The following ADGRD1 variants were observed in gnomAD, a reference collection of about 807,000 sequenced individuals.
ADGRD1 encodes the protein G-protein coupled receptor 133.
In ADGRD1, 77 loss-of-function variants were observed where a neutral mutation model predicts 113.4. The ratio of observed to expected loss-of-function variants is 0.68; its 90% CI spans 0.57 to 0.82. ADGRD1 has a LOEUF of 0.82. Among genes scored for constraint, ADGRD1 ranks in the 40% least tolerant of loss-of-function variants. The pLI, the probability that ADGRD1 is intolerant of heterozygous loss-of-function variation, is 0.00. For missense variants in ADGRD1, 1,036 were observed against 1,139.1 expected (o/e 0.91, Z 1.30); for synonymous variants, 474 against 475.0 (o/e 1.00, Z 0.03).
intron 20 of ADGRD1, among the ~76,000 whole-genome samples, chr12:131,125,605 TACAG>T (rs1950721961): frequency 6.6e-6 from 1 of 152,110 alleles, no homozygotes; most frequent in African/African-American, 2.4e-5. Flanking sequence ...CAGATACAAA[TACAG>T]AGATAGATAC....
chr12:131,036,585 C>G (rs1333115137), intron 13 of ADGRD1, among the ~76,000 whole-genome samples: 1 of 147,090 alleles, frequency 6.8e-6, no homozygotes, highest in Non-Finnish European at 1.5e-5. Flanking sequence ...ACTCACTACA[C>G]CAGGTCTCAC....
At chr12:131,130,633 C>T (rs935942596) in intron 20 of ADGRD1, among the ~76,000 whole-genome samples, 7 of 152,222 alleles carry the variant, frequency 4.6e-5, no homozygotes, top group Non-Finnish European at 8.8e-5. Flanking sequence ...TAGGGTGAGG[C>T]GGGCTCAGCA....
At chr12:131,040,342 G>A (rs938890828) in intron 13 of ADGRD1, among the ~76,000 whole-genome samples, 2 of 151,952 alleles carry the variant, frequency 1.3e-5, no homozygotes, top group Non-Finnish European at 2.9e-5. Flanking sequence ...AAGAACACAG[G>A]GTGAATCATG....
Position 131,003,224 on chromosome 12 carries a change from A to C in ADGRD1, c.1066A>C (p.Thr356Pro). The C allele has an allele frequency of 6.2e-7, 1 of 1,614,010 alleles. No individual in the cohort carries two copies. Among genetic ancestry groups the C allele is most frequent in the Middle Eastern group, 1.6e-4 (1 of 6,062 alleles). ...ACTGAGTCTCATCGACACTATTGACACCGTCATGGGCCATGTATCCTCCAA... is the reference window on the plus strand; with the variant it reads ...ACTGAGTCTCATCGACACTATTGACCCCGTCATGGGCCATGTATCCTCCAA... ...VVLSLIDTID[T>P]VMGHVSSNLH... Residue 356 changes from threonine (T) to proline (P), a missense_variant, in exon 10 of 25, where the codon ACC (threonine) becomes CCC (proline). By Grantham distance (38) the Thr-to-Pro change is conservative (BLOSUM62 -1). Transcript: ENST00000261654. This position sits in a 1 kb window ranked among gnomAD's most constrained non-coding sequence, Gnocchi z 4.8.
chr12:131,124,562 T>C (rs1016975415), intron 20 of ADGRD1, among the ~76,000 whole-genome samples: 1 of 152,126 alleles, frequency 6.6e-6, no homozygotes, highest in African/African-American at 2.4e-5. Context: ...CAGTAAAGGG[T>C]CACTGTGGGG....
chr12:131,029,218 T>A (rs10848267), intron 13 of ADGRD1, among the ~76,000 whole-genome samples: 73 of 152,330 alleles, frequency 4.8e-4, no homozygotes, highest in Non-Finnish European at 9.7e-4. Flanking sequence ...CCTGCTGCTG[T>A]AATCTACCAG....
chr12:131,085,889 G>A (rs527787608), intron 15 of ADGRD1, among the ~76,000 whole-genome samples: 5 of 152,298 alleles, frequency 3.3e-5, no homozygotes, highest in African/African-American at 1.2e-4. Flanking sequence ...TCTTCCGTGC[G>A]GAGCCCTGGT....
At chr12:131,138,014 C>T (rs1951140286) in intron 23 of ADGRD1, 123 bp from the exon 24 acceptor site, 2 of 754,642 alleles carry the variant, frequency 2.7e-6, no homozygotes, top group African/African-American at 1.7e-5. Flanking sequence ...AGCTCCGACT[C>T]ATATTTCCAA....
rs980053349 is a variant in ADGRD1, at chr12:131,022,111, C to T, written c.1473+7771C>T. Among the ~76,000 whole-genome samples, 1 of 152,168 alleles carries T rather than the reference C, an allele frequency of 6.6e-6. No individual in the cohort carries two copies. Among genetic ancestry groups the T allele is most frequent in the Non-Finnish European group, 1.5e-5 (1 of 68,042 alleles). ...AAGACCCTGACTCCAAACACTGTCA[C>T]ATTCTGAGGTCTTGGGGGTTAGGGC... On this transcript the variant is annotated intron_variant, in intron 13 of 24. Coordinates refer to ENST00000261654, the MANE Select transcript of ADGRD1 (RefSeq NM_198827.5). The surrounding 1 kb of genome is among the most constrained non-coding windows in gnomAD (Gnocchi z 4.6).
At chr12:131,037,215 ACTCACTGCACTG>A (rs1881573770) in intron 13 of ADGRD1, among the ~76,000 whole-genome samples, 1 of 98,302 alleles carries the variant, frequency 1.0e-5, no homozygotes, top group Non-Finnish European at 2.2e-5. Context: ...ACCAGGTCTC[ACTCACTGCACTG>A]GGTCTCACTC....
At chr12:131,078,633 C>T (rs1202100915) in intron 14 of ADGRD1, among the ~76,000 whole-genome samples, 4 of 152,186 alleles carry the variant, frequency 2.6e-5, no homozygotes, top group South Asian at 4.1e-4. Flanking sequence ...TAGAAAAGTA[C>T]GGAGAATAAT....
intron 13 of ADGRD1, among the ~76,000 whole-genome samples, chr12:131,028,920 G>A (rs985886854): frequency 6.6e-5 from 10 of 152,280 alleles, no homozygotes; most frequent in Middle Eastern, 6.8e-3. Flanking sequence ...TTTGATGCGC[G>A]TCGTGAAACT....
chr12:131,103,169 G>A (rs992298156), intron 15 of ADGRD1, among the ~76,000 whole-genome samples: 34 of 152,378 alleles, frequency 2.2e-4, no homozygotes, highest in African/African-American at 6.7e-4. Context: ...CTGAGCCGGC[G>A]TTCAGCACAG....
In ADGRD1 at chr12:131,137,015, G is replaced by A. The variant is rs1951104003; in HGVS notation, c.2436+1G>A. 1.2e-6 allele frequency: 2 copies of A among 1,611,392 alleles called. No individual in the cohort carries two copies. Among genetic ancestry groups the A allele is most frequent in the East Asian group, 2.2e-5 (1 of 44,846 alleles). On this transcript the variant is annotated splice_donor_variant, in intron 23 of 24. Coordinates refer to ENST00000261654, the MANE Select transcript of ADGRD1 (RefSeq NM_198827.5). LOFTEE classifies it high-confidence loss of function. ...CTTTCATTGTCTCCTGAATTCAGAG[G>A]TACGTCCGCTCTGCTTGCTGGCAGG...
At chr12:131,025,341 T>A (rs1360767747) in intron 13 of ADGRD1, among the ~76,000 whole-genome samples, 1 of 152,158 alleles carries the variant, frequency 6.6e-6, no homozygotes. Context: ...GGGGGCCTGC[T>A]CTTCTAAGTT....
At chr12:131,104,023 C>T (rs192213032) in intron 15 of ADGRD1, among the ~76,000 whole-genome samples, 19 of 152,248 alleles carry the variant, frequency 1.2e-4, no homozygotes, top group Admixed American at 3.3e-4. Flanking sequence ...ATTGTGCGGT[C>T]GGTGAACTGC....
chr12:131,066,086 G>C (rs1287482890), intron 13 of ADGRD1, among the ~76,000 whole-genome samples: 1 of 152,172 alleles, frequency 6.6e-6, no homozygotes, highest in African/African-American at 2.4e-5. Flanking sequence ...TAGTCCATTT[G>C]AGCCAAACTG....
At chr12:131,097,445 C>T (rs1887369576) in intron 15 of ADGRD1, among the ~76,000 whole-genome samples, 2 of 152,264 alleles carry the variant, frequency 1.3e-5, no homozygotes, top group Non-Finnish European at 2.9e-5. Context: ...CAGCTCATTT[C>T]TACCTGTCCC....
chr12:131,136,087 G>A lies in ADGRD1; in HGVS notation c.2318G>A (p.Trp773Ter). ...AVLLPILGTS[W>*]VFGVLAVNGC... ...CTGCTGCCCATCCTGGGTACCTCGT[G>A]GGTCTTTGGCGTGCTTGCTGTCAAC... is the stretch of plus-strand genomic sequence containing the variant. The change falls in exon 22 of 25, where the codon TGG becomes TAG. Residue 773 changes from tryptophan to a stop codon, truncating the protein, a stop_gained. Transcript: ENST00000261654. LOFTEE classifies it high-confidence loss of function. The A allele has an allele frequency of 6.2e-7, 1 of 1,614,206 alleles. No individual in the cohort carries two copies. The highest frequency in any genetic ancestry group is 1.1e-5 in the South Asian group (1 of 91,084).
Sources: gnomAD v4.1 joint callset for allele counts (sites outside exome capture counted in the v4.1 genomes callset) on GRCh38, gnomAD v4.1.1 for gene constraint, Gnocchi (gnomAD v3.1) non-coding constraint, MANE v1.5 for transcripts, NCBI Gene and HGNC (gene_info 2026-07-23, HGNC 2026-07-21) for gene names.